Variants in AGL observed in about 807,000 individuals in gnomAD.
AGL encodes the protein amylo-alpha-1,6-glucosidase and 4-alpha-glucanotransferase, also known as glycogen debranching enzyme.
In AGL, 128 loss-of-function variants were observed where a neutral mutation model predicts 199.3. The observed-to-expected ratio is 0.64, with a 90% CI of 0.56 to 0.74. The LOEUF is 0.74. Ranked by LOEUF, AGL falls within the 30% of genes least tolerant of loss-of-function variation. The pLI is 0.00. For missense variants in AGL, 1,809 were observed against 1,820.8 expected, an observed-to-expected ratio of 0.99 and a Z score of 0.12; for synonymous variants, 584 against 594.7, an observed-to-expected ratio of 0.98 and a Z score of 0.26.
chr1:99,897,111 G>A (rs547194421), intron 25 of AGL, among the ~76,000 whole-genome samples: 15 of 152,252 alleles, frequency 9.9e-5, no homozygotes, highest in African/African-American at 1.7e-4. Context: ...CACCGTGCCC[G>A]GCCGTAAAAT....
chr1:99,901,160 G>A (rs906134238), intron 26 of AGL, among the ~76,000 whole-genome samples: 2 of 151,882 alleles, frequency 1.3e-5, no homozygotes, highest in African/African-American at 4.8e-5. Flanking sequence ...GTCTCAGGGA[G>A]AACGTTAGAA....
At chr1:99,880,291 A>G (rs1651906135) in intron 13 of AGL, among the ~76,000 whole-genome samples, 2 of 152,198 alleles carry the variant, frequency 1.3e-5, no homozygotes, top group African/African-American at 4.8e-5. Context: ...CTCACTAACA[A>G]AACCATTTTT....
Position 99,880,666 on chromosome 1 carries a change from C to T in AGL, c.1770C>T (p.Gly590=), listed in dbSNP as rs1288993465. 4.3e-6 allele frequency: 7 copies of T among 1,614,026 alleles called. No individual in the cohort carries two copies. The highest frequency in any genetic ancestry group is 5.9e-6 in the Non-Finnish European group (7 of 1,179,938). The change falls in exon 14 of 34, where the codon GGC becomes GGT. Residue 590 remains glycine (G), a synonymous_variant. Transcript: ENST00000361915. ...AMSAYNSHEE[G]RLVYRYGGEP... ...GTGCATATAATAGTCATGAAGAGGG[C>T]AGATTAGTTTACCGATATGGAGGAG...
At chr1:99,854,876 A>G (rs1649287110) in intron 2 of AGL, among the ~76,000 whole-genome samples, 1 of 151,896 alleles carries the variant, frequency 6.6e-6, no homozygotes, top group Admixed American at 6.6e-5. Context: ...ACATCTGATT[A>G]AAGAAAAGGA....
chr1:99,864,485 G>GGT lies in AGL; in HGVS notation c.560_561insGT (p.Pro188TyrfsTer14). ...TTAGAATTAAATCCTGACTTTTCAA[G>GGT]ACCTAATAGAAAGTATACCTGGAAT... is the stretch of plus-strand genomic sequence containing the variant. On this transcript the variant is annotated frameshift_variant, in exon 5 of 34. Transcript: ENST00000361915. LOFTEE classifies it high-confidence loss of function. The GGT allele has an allele frequency of 1.9e-6, 3 of 1,613,700 alleles. No individual in the cohort carries two copies. The highest frequency in any genetic ancestry group is 2.5e-6 in the Non-Finnish European group (3 of 1,179,778).
At chr1:99,904,445 G>A (rs1654098246) in intron 27 of AGL, among the ~76,000 whole-genome samples, 1 of 152,080 alleles carries the variant, frequency 6.6e-6, no homozygotes, top group South Asian at 2.1e-4. Flanking sequence ...ACATTAGTAT[G>A]TTTTCAACTT....
chr1:99,874,093 T>C (rs1341626788), intron 7 of AGL, among the ~76,000 whole-genome samples: 1 of 152,090 alleles, frequency 6.6e-6, no homozygotes, highest in African/African-American at 2.4e-5. Context: ...GGAAAAAAAG[T>C]ATTAAACCTG....
rs1221642648 is a variant in AGL at position 99,913,753 on chromosome 1, T to C, written c.4161+15T>C. On this transcript the variant is annotated intron_variant, in intron 30 of 33. Coordinates refer to ENST00000361915, the MANE Select transcript of AGL (RefSeq NM_000642.3). ...CAATGGTTGTGGTAGGTGATTCGTTTGTAAAAACATTTCAAAAAATGATGT... is the reference window on the plus strand; with the variant it reads ...CAATGGTTGTGGTAGGTGATTCGTTCGTAAAAACATTTCAAAAAATGATGT... The C allele has an allele frequency of 1.9e-6, 3 of 1,610,022 alleles. No individual in the cohort carries two copies. The highest frequency in any genetic ancestry group is 3.3e-5 in the Admixed American group (2 of 60,004).
At position 99,875,166 on chromosome 1, in the gene AGL, A is replaced by G; in HGVS notation, c.1095A>G (p.Ala365=). The G allele has an allele frequency of 6.2e-7, 1 of 1,614,084 alleles. No individual in the cohort carries two copies. The highest frequency in any genetic ancestry group is 8.5e-7 in the Non-Finnish European group (1 of 1,179,928). The change falls in exon 9 of 34, where the codon GCA becomes GCG. Residue 365 remains alanine, a synonymous_variant. Coordinates refer to ENST00000361915, the MANE Select transcript of AGL (RefSeq NM_000642.3). ...TTFIPHDKGP[A]AIEECCNWFH... ...CCATCTGCTCTAGCAAGGGGCCAGC[A>G]GCAATTGAAGAATGCTGTAATTGGT...
Position 99,884,590 on chromosome 1 carries a change from A to C in AGL, c.2568A>C (p.Ala856=), listed in dbSNP as rs778333621. 1 of 1,613,880 alleles carries C rather than the reference A, an allele frequency of 6.2e-7. No homozygotes were observed. Among genetic ancestry groups the C allele is most frequent in the African/African-American group, 1.3e-5 (1 of 74,940 alleles). The change falls in exon 20 of 34, where the codon GCA becomes GCC. Residue 856 remains alanine (A), a synonymous_variant. Coordinates refer to ENST00000361915, the MANE Select transcript of AGL (RefSeq NM_000642.3). ...TCAGAGTTAGTCTTGATCCACATGC[A>C]CAAGTCGCTGTTGGAATTCTTCGAA... ...IIFRVSLDPH[A]QVAVGILRNH...
At chr1:99,911,105 A>G (rs1274427304) in intron 28 of AGL, among the ~76,000 whole-genome samples, 1 of 152,166 alleles carries the variant, frequency 6.6e-6, no homozygotes, top group Admixed American at 6.5e-5. Context: ...TTTATGATTC[A>G]TTATCCCAGT....
chr1:99,875,163 A>G lies in AGL; in HGVS notation c.1092A>G (p.Pro364=), dbSNP rs2101127685. The change falls in exon 9 of 34, where the codon CCA becomes CCG. Residue 364 remains proline, a synonymous_variant. Transcript: ENST00000361915. ...TCTCCATCTGCTCTAGCAAGGGGCCAGCAGCAATTGAAGAATGCTGTAATT... is the reference window on the plus strand; with the variant it reads ...TCTCCATCTGCTCTAGCAAGGGGCCGGCAGCAATTGAAGAATGCTGTAATT... ...LTTFIPHDKG[P]AAIEECCNWF... 1 of 1,613,786 alleles carries G rather than the reference A, an allele frequency of 6.2e-7. No individual in the cohort carries two copies. Among genetic ancestry groups the G allele is most frequent in the African/African-American group, 1.3e-5 (1 of 75,060 alleles).
intron 2 of AGL, among the ~76,000 whole-genome samples, chr1:99,860,906 C>T (rs1176984217): frequency 6.6e-6 from 1 of 152,194 alleles, no homozygotes; most frequent in Non-Finnish European, 1.5e-5. Flanking sequence ...TCTTTATTAG[C>T]ACATCACTGG....
rs2101085188 is a variant in AGL, at chr1:99,861,690, A to G, written c.270A>G (p.Ser90=). Residue 90 remains serine, a synonymous_variant, in exon 3 of 34, where the codon TCA becomes TCG. Transcript: ENST00000361915. ...YCKLNLQQSG[S]FQYYFLQGNE... ...AACTTAATCTGCAACAATCTGGTTC[A>G]TTTCAGTATTATTTCCTTCAAGGGT... is the stretch of plus-strand genomic sequence containing the variant. 6.2e-7 allele frequency: 1 copy of G among 1,613,690 alleles called. No homozygotes were observed. The highest frequency in any genetic ancestry group is 8.5e-7 in the Non-Finnish European group (1 of 1,179,712).
At chr1:99,911,366 C>T (rs1209962390) in intron 28 of AGL, among the ~76,000 whole-genome samples, 1 of 151,440 alleles carries the variant, frequency 6.6e-6, no homozygotes. Flanking sequence ...ACCCAAATAA[C>T]GTACTTTGTA....
chr1:99,860,967 A>G (rs925111505), intron 2 of AGL, among the ~76,000 whole-genome samples: 2 of 152,234 alleles, frequency 1.3e-5, no homozygotes, highest in African/African-American at 4.8e-5. Context: ...TCCTGTTAGA[A>G]TCCTGAATTC....
intron 27 of AGL, among the ~76,000 whole-genome samples, chr1:99,908,158 G>C (rs1305438290): frequency 2.0e-5 from 3 of 150,974 alleles, no homozygotes; most frequent in African/African-American, 7.3e-5. Flanking sequence ...TTGTGTTTAG[G>C]TCTTTGATCC....
chr1:99,861,471 G>A (rs761511047), intron 2 of AGL, 32 bp from the exon 3 acceptor site: 15 of 1,612,998 alleles, frequency 9.3e-6, no homozygotes, highest in Middle Eastern at 1.6e-4. Flanking sequence ...TAAGTCCTAC[G>A]ATGAGTTTAT....
At chr1:99,857,856 G>GGGGGGGGGGAT (rs1649693210) in intron 2 of AGL, among the ~76,000 whole-genome samples, 1 of 55,364 alleles carries the variant, frequency 1.8e-5, no homozygotes, top group Non-Finnish European at 3.6e-5. Flanking sequence ...GAGGGGGGAA[G>GGGGGGGGGGAT]AGGGAGAGGG....
Sources: gnomAD v4.1 joint callset for allele counts (sites outside exome capture counted in the v4.1 genomes callset) on GRCh38, gnomAD v4.1.1 for gene constraint, MANE v1.5 for transcripts, NCBI Gene and HGNC (gene_info 2026-07-23, HGNC 2026-07-21) for gene names.